The following CNTNAP2 variants were observed in gnomAD, a reference collection of about 807,000 sequenced individuals.
CNTNAP2 encodes contactin associated protein 2.
CNTNAP2 carries 98 observed loss-of-function variants against 155.2 expected under a neutral mutation model. That is an observed-to-expected ratio of 0.63 (90% CI 0.54 to 0.75). The LOEUF is 0.75. Ranked by LOEUF, CNTNAP2 falls within the 30% of genes least tolerant of loss-of-function variation. CNTNAP2 has a pLI of 0.00. For missense variants in CNTNAP2, 1,727 were observed against 1,688.1 expected, an observed-to-expected ratio of 1.02 and a Z score of -0.40; for synonymous variants, 651 against 631.2, an observed-to-expected ratio of 1.03 and a Z score of -0.47.
intron 1 of CNTNAP2, among the ~76,000 whole-genome samples, chr7:146,678,014 C>T (rs541177702): frequency 1.3e-4 from 20 of 152,140 alleles, no homozygotes; most frequent in Admixed American, 7.9e-4. Context: ...AGATATTTGA[C>T]TATAGAAATG....
chr7:147,107,856 A>G (rs1447065254), intron 4 of CNTNAP2, among the ~76,000 whole-genome samples: 1 of 152,164 alleles, frequency 6.6e-6, no homozygotes, highest in Non-Finnish European at 1.5e-5. Flanking sequence ...CTAGATTTCT[A>G]AGTTAAGATT....
At chr7:148,284,384 G>C (rs1479452521) in intron 21 of CNTNAP2, among the ~76,000 whole-genome samples, 1 of 152,070 alleles carries the variant, frequency 6.6e-6, no homozygotes, top group Non-Finnish European at 1.5e-5. Context: ...TGCCATGTAA[G>C]ATGTGCCTTT....
chr7:147,744,867 A>G (rs903462689), intron 13 of CNTNAP2, among the ~76,000 whole-genome samples: 6 of 152,168 alleles, frequency 3.9e-5, no homozygotes, highest in Admixed American at 2.0e-4. Flanking sequence ...TTAAAGGCCC[A>G]TCTCCAAATA....
At chr7:147,627,253 A>C (rs1334934804) in intron 12 of CNTNAP2, among the ~76,000 whole-genome samples, 4 of 152,200 alleles carry the variant, frequency 2.6e-5, no homozygotes, top group African/African-American at 9.6e-5. Context: ...ATGTAACAAA[A>C]CAAGGTTCTA....
In CNTNAP2 at chr7:148,313,183, G is replaced by A. The variant is rs1365756508; in HGVS notation, c.3475+46057G>A. On this transcript the variant is annotated intron_variant, in intron 21 of 23. Coordinates refer to ENST00000361727, the MANE Select transcript of CNTNAP2 (RefSeq NM_014141.6). ...GGCAAGGGAAACAGGCCCTTGAAAA[G>A]AAGGTAATGTGGAGTGGGTAGCCTC... Among the ~76,000 whole-genome samples, 3 of 151,538 alleles carry A rather than the reference G, an allele frequency of 2.0e-5. No homozygotes were observed. The East Asian group carries it at 5.8e-4, about 29-fold the overall frequency.
At chr7:146,174,321 G>A (rs1798438969) in intron 1 of CNTNAP2, among the ~76,000 whole-genome samples, 1 of 151,956 alleles carries the variant, frequency 6.6e-6, no homozygotes, top group South Asian at 2.1e-4. Context: ...TTAGTAACTT[G>A]ACTCTTACCA....
intron 1 of CNTNAP2, among the ~76,000 whole-genome samples, chr7:146,731,959 A>G (rs1459421518): frequency 6.6e-6 from 1 of 152,132 alleles, no homozygotes; most frequent in Admixed American, 6.5e-5. Context: ...AAAAGCATCC[A>G]AAATGATAGA....
At chr7:147,004,208 A>G (rs537802449) in intron 3 of CNTNAP2, among the ~76,000 whole-genome samples, 1 of 134,294 alleles carries the variant, frequency 7.4e-6, no homozygotes, top group Non-Finnish European at 1.6e-5. Flanking sequence ...TAAAACTCAT[A>G]TACCAAAAAA....
chr7:147,648,519 A>C (rs1795402866), intron 13 of CNTNAP2, among the ~76,000 whole-genome samples: 1 of 152,226 alleles, frequency 6.6e-6, no homozygotes, highest in East Asian at 1.9e-4. Context: ...TTACAAAAGA[A>C]AGAGTTTTAA....
At chr7:147,579,852 T>C (rs1436237673) in intron 12 of CNTNAP2, among the ~76,000 whole-genome samples, 1 of 152,132 alleles carries the variant, frequency 6.6e-6, no homozygotes, top group Non-Finnish European at 1.5e-5. Context: ...GTACATACAC[T>C]TGGGAAATTC....
chr7:147,643,607 T>C (rs1795320974), intron 13 of CNTNAP2: 1 of 152,194 alleles, frequency 6.6e-6, no homozygotes, highest in African/African-American at 2.4e-5. Context: ...TATTCTTAAC[T>C]AAGACTGAAA....
At chr7:147,934,452 A>G (rs369464288) in intron 14 of CNTNAP2, among the ~76,000 whole-genome samples, 7 of 152,324 alleles carry the variant, frequency 4.6e-5, no homozygotes, top group East Asian at 3.9e-4. Flanking sequence ...TATCATGAGA[A>G]CAGCATGGGA....
intron 4 of CNTNAP2, among the ~76,000 whole-genome samples, chr7:147,102,667 A>G (rs1800681044): frequency 2.6e-5 from 4 of 152,188 alleles, no homozygotes; most frequent in African/African-American, 7.2e-5. Flanking sequence ...TTCTATCTCT[A>G]GATCATTTTT....
At chr7:147,900,989 T>C (rs1198083092) in intron 13 of CNTNAP2, among the ~76,000 whole-genome samples, 2 of 152,180 alleles carry the variant, frequency 1.3e-5, no homozygotes, top group Non-Finnish European at 2.9e-5. Context: ...CCTAGACTTT[T>C]GATGATGATC....
intron 21 of CNTNAP2, among the ~76,000 whole-genome samples, chr7:148,320,876 T>C (rs1306133665): frequency 6.6e-6 from 1 of 152,220 alleles, no homozygotes; most frequent in Non-Finnish European, 1.5e-5. Flanking sequence ...ATGCTTTTGA[T>C]TGCATTATAA....
intron 11 of CNTNAP2, among the ~76,000 whole-genome samples, chr7:147,528,940 A>T (rs764810873): frequency 6.6e-6 from 1 of 152,258 alleles, no homozygotes; most frequent in Admixed American, 6.5e-5. Flanking sequence ...CTGGGCAACC[A>T]TTAGATAAAC....
chr7:147,449,732 G>T (rs1169423111), intron 10 of CNTNAP2, among the ~76,000 whole-genome samples: 3 of 152,056 alleles, frequency 2.0e-5, no homozygotes, highest in South Asian at 2.1e-4. Flanking sequence ...AATGGAGCTA[G>T]GGATATCAGT....
intron 8 of CNTNAP2, among the ~76,000 whole-genome samples, chr7:147,272,527 C>T (rs1469161747): frequency 1.3e-5 from 2 of 151,816 alleles, no homozygotes; most frequent in African/African-American, 4.8e-5. Context: ...GAGACAGAGT[C>T]CGGCTCTGTC....
chr7:146,165,943 C>G lies in CNTNAP2; in HGVS notation c.97+48970C>G, dbSNP rs116826450. 5.5e-4 allele frequency among the ~76,000 whole-genome samples: 83 copies of G among 152,210 alleles called. 1 individual carries two copies. Among genetic ancestry groups the G allele is most frequent in the African/African-American group, 2.0e-3 (82 of 41,550 alleles). On this transcript the variant is annotated intron_variant, in intron 1 of 23. Transcript: ENST00000361727. ...CATAGTAATCACTTGTGTGTATTTG[C>G]ATGTTCAATTTTACAAAATCAAAAC...
Sources: allele counts gnomAD v4.1 joint callset (sites outside exome capture counted in the v4.1 genomes callset), GRCh38; gene constraint gnomAD v4.1.1; transcripts MANE v1.5; gene names NCBI Gene and HGNC (gene_info 2026-07-23, HGNC 2026-07-21).